ENTHD1: variants seen among roughly 807,000 people sequenced by gnomAD.
ENTHD1 encodes ENTH domain-containing protein 1.
In ENTHD1, 23 loss-of-function variants were observed where a neutral mutation model predicts 39.1. The ratio of observed to expected loss-of-function variants is 0.59; its 90% CI spans 0.42 to 0.83. The LOEUF is 0.83. Among genes scored for constraint, ENTHD1 ranks in the 40% least tolerant of loss-of-function variants. The pLI is 0.00. For synonymous variants in ENTHD1, 230 were observed against 258.2 expected (o/e 0.89, Z 1.05); for missense variants, 624 against 705.4 (o/e 0.88, Z 1.31).
chr22:39,756,316 T>TCTCACA (rs1433242336), intron 6 of ENTHD1, among the ~76,000 whole-genome samples: 11 of 138,012 alleles, frequency 8.0e-5, no homozygotes, highest in African/African-American at 1.1e-4. Flanking sequence ...TCTCTCTCTC[T>TCTCACA]CACACACACA....
chr22:39,815,714 C>T, intron 5 of ENTHD1, among the ~76,000 whole-genome samples: 1 of 152,018 alleles, frequency 6.6e-6, no homozygotes, highest in East Asian at 1.9e-4. Flanking sequence ...GTTTACAATA[C>T]AATAACTTGA....
intron 4 of ENTHD1, among the ~76,000 whole-genome samples, chr22:39,832,618 T>C (rs889484556): frequency 2.0e-5 from 3 of 152,180 alleles, no homozygotes; most frequent in African/African-American, 7.2e-5. Context: ...AAGTAGATAC[T>C]ATGTCTGAGA....
At chr22:39,759,509 A>G (rs2065212876) in intron 6 of ENTHD1, among the ~76,000 whole-genome samples, 1 of 152,000 alleles carries the variant, frequency 6.6e-6, no homozygotes, top group Non-Finnish European at 1.5e-5. Flanking sequence ...TTTTTTGATC[A>G]GTCTTAATAG....
At chr22:39,835,682 G>A (rs1032225228) in intron 4 of ENTHD1, among the ~76,000 whole-genome samples, 158 bp downstream of exon 4, 7 of 152,094 alleles carry the variant, frequency 4.6e-5, no homozygotes, top group Admixed American at 3.3e-4. Context: ...TCATCCGCTA[G>A]GGCCTCCAGA....
intron 6 of ENTHD1, among the ~76,000 whole-genome samples, chr22:39,756,897 T>C (rs2065189757): frequency 6.6e-6 from 1 of 152,208 alleles, no homozygotes. Context: ...ACCGTAAGAC[T>C]TGAAATTAGG....
chr22:39,821,158 T>C (rs760611896), intron 4 of ENTHD1, 45 bp from the exon 5 acceptor site: 32 of 1,604,090 alleles, frequency 2.0e-5, no homozygotes, highest in Admixed American at 5.1e-5. Context: ...AAAAAATTAA[T>C]ATCCCTGGAT....
intron 3 of ENTHD1, among the ~76,000 whole-genome samples, chr22:39,838,521 A>G (rs1056554359): frequency 4.6e-5 from 7 of 152,182 alleles, no homozygotes; most frequent in African/African-American, 1.7e-4. Context: ...TTATCTTTAT[A>G]CAAATATAAA....
At chr22:39,765,695 A>AT in intron 5 of ENTHD1, 86 bp from the exon 6 acceptor site, 5 of 1,281,812 alleles carry the variant, frequency 3.9e-6, no homozygotes, top group South Asian at 1.6e-5. Context: ...AATAAATAGG[A>AT]TTTTTTAATG....
intron 5 of ENTHD1, among the ~76,000 whole-genome samples, chr22:39,777,468 G>A (rs982450927): frequency 6.6e-6 from 1 of 152,062 alleles, no homozygotes; most frequent in African/African-American, 2.4e-5. Flanking sequence ...TAATTGTAGT[G>A]TATATTATAC....
rs1480100935 is a variant in ENTHD1 at position 39,876,638 on chromosome 22, T to G, written c.349+10762A>C. On this transcript the variant is annotated intron_variant, in intron 2 of 6. Coordinates refer to ENST00000325157, the MANE Select transcript of ENTHD1 (RefSeq NM_152512.4). ...TTCTTTATTGTGCTATGGGTGATGG[T>G]TCCACTCATCCAAATTCATCCAACT... 7.2e-5 allele frequency among the ~76,000 whole-genome samples: 11 copies of G among 152,146 alleles called. No homozygotes were observed. The East Asian group carries it at 1.9e-3, about 27-fold the overall frequency.
chr22:39,842,459 C>A (rs2065951923), intron 3 of ENTHD1, among the ~76,000 whole-genome samples: 1 of 152,136 alleles, frequency 6.6e-6, no homozygotes, highest in African/African-American at 2.4e-5. Flanking sequence ...TTTCTCTAGA[C>A]TTCCCTTCTC....
At chr22:39,859,667 T>C (rs1346136160) in intron 3 of ENTHD1, among the ~76,000 whole-genome samples, 1 of 152,152 alleles carries the variant, frequency 6.6e-6, no homozygotes, top group Non-Finnish European at 1.5e-5. Context: ...CCATGGTTTG[T>C]GGTACCCCAA....
chr22:39,799,726 G>T (rs1293522409), intron 5 of ENTHD1, among the ~76,000 whole-genome samples: 1 of 152,204 alleles, frequency 6.6e-6, no homozygotes, highest in Non-Finnish European at 1.5e-5. Context: ...CTGCGCATGT[G>T]TTAAGAGACA....
At chr22:39,857,071 ATAGTC>A (rs1460165830) in intron 3 of ENTHD1, among the ~76,000 whole-genome samples, 1 of 152,168 alleles carries the variant, frequency 6.6e-6, no homozygotes, top group Non-Finnish European at 1.5e-5. Flanking sequence ...CTTTTTTAAA[ATAGTC>A]AAGTCATTCA....
At chr22:39,875,299 G>C (rs964893877) in intron 2 of ENTHD1, 1 of 1,250,788 alleles carries the variant, frequency 8.0e-7, no homozygotes, top group African/African-American at 1.6e-5. Context: ...AAATTCGGTC[G>C]GTCGCAGCCC....
intron 5 of ENTHD1, among the ~76,000 whole-genome samples, chr22:39,808,285 T>C (rs1275886696): frequency 1.3e-5 from 2 of 152,154 alleles, no homozygotes; most frequent in African/African-American, 4.8e-5. Flanking sequence ...CTCCTGTACA[T>C]GTTCGTGTCC....
At chr22:39,863,085 A>T (rs2066156649) in intron 2 of ENTHD1, among the ~76,000 whole-genome samples, 1 of 152,084 alleles carries the variant, frequency 6.6e-6, no homozygotes, top group African/African-American at 2.4e-5. Context: ...AGTGCCCTGA[A>T]CCTGGACTCT....
At chr22:39,812,015 C>A (rs201905334) in intron 5 of ENTHD1, among the ~76,000 whole-genome samples, 2,836 of 123,252 alleles carry the variant, frequency 0.023, 38 homozygotes, top group African/African-American at 0.032. Context: ...AACAAACAAA[C>A]AAAAAAAAAA....
intron 6 of ENTHD1, among the ~76,000 whole-genome samples, chr22:39,756,285 CTG>C (rs1277473593): frequency 1.2e-4 from 17 of 143,296 alleles, no homozygotes; most frequent in African/African-American, 4.5e-4. Flanking sequence ...ATCAATGTCT[CTG>C]TCTCTCTCTC....
Sources: allele counts gnomAD v4.1 joint callset (sites outside exome capture counted in the v4.1 genomes callset), GRCh38; gene constraint gnomAD v4.1.1; transcripts MANE v1.5; gene names NCBI Gene and HGNC (gene_info 2026-07-23, HGNC 2026-07-21).